The following CNTNAP2 variants were observed in gnomAD, a reference collection of about 807,000 sequenced individuals.
CNTNAP2 encodes the protein contactin associated protein 2.
CNTNAP2 carries 98 observed loss-of-function variants against 155.2 expected under a neutral mutation model. The observed-to-expected ratio is 0.63, with a 90% CI of 0.54 to 0.75. The LOEUF (loss-of-function observed/expected upper bound fraction) is 0.75, where lower values mean the gene tolerates loss of function less well. Ranked by LOEUF, CNTNAP2 falls within the 30% of genes least tolerant of loss-of-function variation. The pLI is 0.00. For synonymous variants in CNTNAP2, 651 were observed against 631.2 expected (o/e 1.03, Z -0.47); for missense variants, 1,727 against 1,688.1 (o/e 1.02, Z -0.40).
At chr7:146,966,048 C>A (rs922005361) in intron 3 of CNTNAP2, among the ~76,000 whole-genome samples, 1 of 152,204 alleles carries the variant, frequency 6.6e-6, no homozygotes, top group African/African-American at 2.4e-5. Context: ...ACCACAATTT[C>A]TGCTCCCCAT....
chr7:148,372,806 T>C (rs1798913224), intron 21 of CNTNAP2, among the ~76,000 whole-genome samples: 1 of 152,264 alleles, frequency 6.6e-6, no homozygotes, highest in South Asian at 2.1e-4. Flanking sequence ...TTTCACTTTT[T>C]CATATTTTTG....
intron 13 of CNTNAP2, among the ~76,000 whole-genome samples, chr7:147,737,475 C>A (rs894258367): frequency 1.3e-5 from 2 of 152,114 alleles, no homozygotes; most frequent in Non-Finnish European, 2.9e-5. Flanking sequence ...GGGTCAGGGA[C>A]CCACTTGAGG....
At chr7:147,784,970 A>G (rs562822002) in intron 13 of CNTNAP2, among the ~76,000 whole-genome samples, 1 of 152,242 alleles carries the variant, frequency 6.6e-6, no homozygotes, top group East Asian at 1.9e-4. Flanking sequence ...CACAATGCCA[A>G]GAGAGAAAAC....
chr7:146,969,085 G>A (rs1361682260), intron 3 of CNTNAP2, among the ~76,000 whole-genome samples: 1 of 150,324 alleles, frequency 6.7e-6, no homozygotes, highest in Admixed American at 6.6e-5. Context: ...AGTCATTCAG[G>A]AGCAGGTTGT....
intron 12 of CNTNAP2, among the ~76,000 whole-genome samples, chr7:147,613,218 C>T (rs10226385): frequency 0.66 from 99,803 of 151,994 alleles, 32,920 homozygotes; most frequent in Admixed American, 0.71. Context: ...TGTAGTTCTT[C>T]TTTGTATTTC....
chr7:147,932,010 C>A (rs1156926230), intron 14 of CNTNAP2, among the ~76,000 whole-genome samples: 1 of 152,080 alleles, frequency 6.6e-6, no homozygotes, highest in African/African-American at 2.4e-5. Context: ...CTCAGCCTCA[C>A]AAGTAACTGG....
chr7:146,963,936 G>A (rs1335025287), intron 3 of CNTNAP2, among the ~76,000 whole-genome samples: 2 of 148,562 alleles, frequency 1.3e-5, no homozygotes, highest in Admixed American at 6.7e-5. Flanking sequence ...ACTGTATTAG[G>A]CAAGACAGGA....
chr7:146,455,628 T>C (rs1281337972), intron 1 of CNTNAP2, among the ~76,000 whole-genome samples: 1 of 152,176 alleles, frequency 6.6e-6, no homozygotes, highest in African/African-American at 2.4e-5. Context: ...ATTCATAGGG[T>C]CTTATGTTGA....
At chr7:146,821,766 A>T (rs1201698940) in intron 2 of CNTNAP2, among the ~76,000 whole-genome samples, 1 of 152,044 alleles carries the variant, frequency 6.6e-6, no homozygotes, top group Non-Finnish European at 1.5e-5. Context: ...TCAAAACCAC[A>T]ATGAGATACC....
chr7:147,643,523 G>A (rs1795318956), intron 13 of CNTNAP2: 1 of 152,136 alleles, frequency 6.6e-6, no homozygotes, highest in Non-Finnish European at 1.5e-5. Context: ...GTGTTTTAAA[G>A]AAGCTAATGT....
chr7:146,400,773 T>G (rs544669371), intron 1 of CNTNAP2, among the ~76,000 whole-genome samples: 29 of 152,282 alleles, frequency 1.9e-4, no homozygotes, highest in Middle Eastern at 6.8e-3. Flanking sequence ...CACTGAAAAA[T>G]GAGTTAATGT....
chr7:147,063,359 T>A (rs542284278), intron 4 of CNTNAP2, among the ~76,000 whole-genome samples: 5 of 136,944 alleles, frequency 3.7e-5, no homozygotes, highest in African/African-American at 1.3e-4. Flanking sequence ...ATGACTTTGT[T>A]GGTAAAAAAA....
At chr7:148,176,214 T>C (rs1474580539) in intron 18 of CNTNAP2, among the ~76,000 whole-genome samples, 2 of 43,884 alleles carry the variant, frequency 4.6e-5, no homozygotes, top group South Asian at 1.4e-3. Context: ...TCTTTCTCTT[T>C]TTTTTTTTTT....
chr7:147,916,580 G>A lies in CNTNAP2; in HGVS notation c.2255+12859G>A, dbSNP rs948313517. ...AAAAGCAGAACTAAGATTCAAAAGA[G>A]CTTTTTTTCTGAAAAAAAAAAAAAA... On this transcript the variant is annotated intron_variant, in intron 14 of 23. Coordinates refer to ENST00000361727, the MANE Select transcript of CNTNAP2 (RefSeq NM_014141.6). Among the ~76,000 whole-genome samples the A allele has an allele frequency of 4.2e-5, 4 of 94,456 alleles. No homozygotes were observed. In the East Asian group the frequency reaches 1.4e-3, roughly 32 times the overall value. The allele number at this position is 94,456 out of a possible 152,430, so 62.0% of individuals were successfully genotyped here.
intron 4 of CNTNAP2, among the ~76,000 whole-genome samples, chr7:147,093,905 T>A (rs1800467934): frequency 6.6e-6 from 1 of 151,636 alleles, no homozygotes; most frequent in African/African-American, 2.4e-5. Flanking sequence ...GGAAAAAAAA[T>A]AGGAAAGAAG....
intron 8 of CNTNAP2, among the ~76,000 whole-genome samples, chr7:147,274,415 T>C (rs1804844593): frequency 6.6e-6 from 1 of 152,200 alleles, no homozygotes. Context: ...ATTTCTCTGA[T>C]GAATACTGAT....
At chr7:148,002,813 T>C (rs369516018) in intron 15 of CNTNAP2, among the ~76,000 whole-genome samples, 13 of 152,324 alleles carry the variant, frequency 8.5e-5, no homozygotes, top group East Asian at 1.9e-4. Flanking sequence ...CCTAGCATGA[T>C]GGTTTAGACA....
chr7:147,561,425 T>C (rs1213244089), intron 11 of CNTNAP2, among the ~76,000 whole-genome samples: 4 of 152,202 alleles, frequency 2.6e-5, no homozygotes, highest in Non-Finnish European at 5.9e-5. Flanking sequence ...ATGTCCGTTT[T>C]GTACTTCTGA....
chr7:147,933,676 C>A (rs1800551662), intron 14 of CNTNAP2, among the ~76,000 whole-genome samples: 1 of 152,082 alleles, frequency 6.6e-6, no homozygotes. Context: ...ACCAGCCTGA[C>A]CAACATGGTA....
Sources: allele counts gnomAD v4.1 joint callset (sites outside exome capture counted in the v4.1 genomes callset), GRCh38; gene constraint gnomAD v4.1.1; transcripts MANE v1.5; gene names NCBI Gene and HGNC (gene_info 2026-07-23, HGNC 2026-07-21).